UBXN7: variants seen among roughly 807,000 people sequenced by gnomAD.
UBXN7 encodes UBX domain protein 7.
A neutral mutation model predicts 58.0 loss-of-function variants in UBXN7; 9 were observed. That is an observed-to-expected ratio of 0.16 (90% CI 0.09 to 0.27). The LOEUF is 0.27. UBXN7 is among the 10% of genes least tolerant of loss of function. UBXN7 has a pLI of 1.00. For synonymous variants in UBXN7, 208 were observed against 205.0 expected (o/e 1.01, Z -0.12); for missense variants, 328 against 599.6 (o/e 0.55, Z 4.73).
chr3:196,419,287 A>AT (rs1175807790), intron 1 of UBXN7, among the ~76,000 whole-genome samples: 6 of 147,364 alleles, frequency 4.1e-5, no homozygotes, highest in Non-Finnish European at 8.9e-5. Flanking sequence ...CTGTCTCTAA[A>AT]TAAATTAAAT....
chr3:196,358,285 G>A (rs1261511307), intron 10 of UBXN7, among the ~76,000 whole-genome samples: 1 of 152,190 alleles, frequency 6.6e-6, no homozygotes, highest in African/African-American at 2.4e-5. Flanking sequence ...CCAGCTGCTG[G>A]AAAACCACTA....
intron 1 of UBXN7, among the ~76,000 whole-genome samples, chr3:196,410,093 C>A (rs1490086758): frequency 6.6e-6 from 1 of 151,950 alleles, no homozygotes; most frequent in East Asian, 1.9e-4. Flanking sequence ...GCGCCTGCCA[C>A]CACACCGGGC....
intron 1 of UBXN7, among the ~76,000 whole-genome samples, chr3:196,412,616 T>C (rs1054086487): frequency 6.6e-6 from 1 of 152,084 alleles, no homozygotes; most frequent in African/African-American, 2.4e-5. Context: ...AAAAATATAT[T>C]TATATGCCCA....
At chr3:196,395,737 C>A (rs1225295855) in intron 3 of UBXN7, among the ~76,000 whole-genome samples, 2 of 151,852 alleles carry the variant, frequency 1.3e-5, no homozygotes, top group African/African-American at 4.8e-5. Context: ...GGATTACAGG[C>A]ACCAGCCACC....
At chr3:196,376,545 CAAAA>C (rs777458391) in intron 5 of UBXN7, among the ~76,000 whole-genome samples, 10 of 50,914 alleles carry the variant, frequency 2.0e-4, no homozygotes, top group East Asian at 7.0e-4. Flanking sequence ...GACTCTGTCT[CAAAA>C]AAAAAAAAAA....
At position 196,400,695 on chromosome 3, in the gene UBXN7, G is replaced by T. The variant is rs1363922822; in HGVS notation, c.289+2257C>A. The T allele has an allele frequency of 2.3e-5, 8 of 351,234 alleles. No individual in the cohort carries two copies. The Admixed American group carries it at 2.5e-4, about 11-fold the overall frequency. 21.8% of individuals were successfully genotyped at this position (351,234 alleles called of 1,614,324 possible). ...TTTGAGACTGCAGTAAGCAAGGATT[G>T]TATCACTGCACTCCAGCCTGGGCAA... On this transcript the variant is annotated intron_variant, in intron 3 of 10. Transcript: ENST00000296328.
rs150023939 is a variant in UBXN7, at chr3:196,430,898, C to T, written c.73+1429G>A. 8.5e-5 allele frequency among the ~76,000 whole-genome samples: 13 copies of T among 152,196 alleles called. No individual in the cohort carries two copies. In the East Asian group the frequency reaches 2.3e-3, roughly 27 times the overall value. On this transcript the variant is annotated intron_variant, in intron 1 of 10. Transcript: ENST00000296328. Reference sequence around the variant, plus strand: ...ATAATAATCCAATCCTTTATATCTTCAATAATCCAATCACAAAGTTCAAAA... The same window carrying T: ...ATAATAATCCAATCCTTTATATCTTTAATAATCCAATCACAAAGTTCAAAA...
intron 7 of UBXN7, 151 bp downstream of exon 7, chr3:196,369,270 T>C (rs2108831683): frequency 3.1e-6 from 2 of 653,190 alleles, no homozygotes; most frequent in Non-Finnish European, 5.3e-6. Context: ...CATCAATAGA[T>C]GTTTAAATAA....
At chr3:196,424,764 G>A (rs1487560562) in intron 1 of UBXN7, among the ~76,000 whole-genome samples, 8 of 145,326 alleles carry the variant, frequency 5.5e-5, no homozygotes, top group South Asian at 2.2e-4. Flanking sequence ...GTGCAATGGC[G>A]TGATCTCAGC....
In UBXN7 at chr3:196,378,243, T is replaced by A. The variant is rs75323088; in HGVS notation, c.469-6201A>T. The stretch of plus-strand genomic sequence containing the variant: ...TAACCCATTCTCCCCTTGTCCCTCT[T>A]ACTTATAGAACCTCCAGTTTTTAAC... On this transcript the variant is annotated intron_variant, in intron 5 of 10. Coordinates refer to ENST00000296328, the MANE Select transcript of UBXN7 (RefSeq NM_015562.2). 8.7e-3 allele frequency among the ~76,000 whole-genome samples: 1,329 copies of A among 152,300 alleles called. 15 individuals carry two copies. The highest frequency in any genetic ancestry group is 0.03 in the African/African-American group (1,243 of 41,572).
intron 1 of UBXN7, among the ~76,000 whole-genome samples, chr3:196,408,135 C>A (rs1041595914): frequency 1.4e-5 from 2 of 146,824 alleles, no homozygotes; most frequent in Non-Finnish European, 3.0e-5. Context: ...TCTTTAATAC[C>A]AATGGCAAAG....
rs551182272 is a variant in UBXN7, at chr3:196,362,325, T to A, written c.1197A>T (p.Ala399=). Reference sequence around the variant, plus strand: ...CATCTATCCCCTCCACTACTCCATCTGCTTTTTCAGGTGGCATCTCCAGTA... The same window carrying A: ...CATCTATCCCCTCCACTACTCCATCAGCTTTTTCAGGTGGCATCTCCAGTA... ...SEILEMPPEK[A]DGVVEGIDVN... Residue 399 remains alanine (A), a synonymous_variant, in exon 9 of 11, where the codon GCA becomes GCT. Transcript: ENST00000296328. The A allele has an allele frequency of 6.2e-7, 1 of 1,611,446 alleles. No homozygotes were observed. The highest frequency in any genetic ancestry group is 8.5e-7 in the Non-Finnish European group (1 of 1,179,078).
intron 5 of UBXN7, among the ~76,000 whole-genome samples, chr3:196,386,380 TAAAAAAAAAAAAA>T (rs34268326): frequency 8.7e-5 from 5 of 57,728 alleles, no homozygotes; most frequent in African/African-American, 2.1e-4. Context: ...TAATAAACAC[TAAAAAAAAAAAAA>T]AAAAAAAAAA....
chr3:196,367,905 A>G, intron 8 of UBXN7, 123 bp downstream of exon 8: 2 of 1,340,118 alleles, frequency 1.5e-6, no homozygotes, highest in South Asian at 3.1e-5. Context: ...AAGATGCTAT[A>G]GCCACAGTGA....
At chr3:196,426,313 G>C (rs1730846899) in intron 1 of UBXN7, among the ~76,000 whole-genome samples, 1 of 150,164 alleles carries the variant, frequency 6.7e-6, no homozygotes, top group Non-Finnish European at 1.5e-5. Flanking sequence ...TTGAACCGGG[G>C]AGGCGGAGGT....
intron 1 of UBXN7, among the ~76,000 whole-genome samples, chr3:196,430,361 A>AAATAATAAT (rs34017536): frequency 2.0e-5 from 3 of 150,012 alleles, no homozygotes; most frequent in Non-Finnish European, 3.0e-5. Context: ...GACTGTCTCA[A>AAATAATAAT]AATAATAATA....
At chr3:196,402,177 T>C (rs1481286214) in intron 3 of UBXN7, among the ~76,000 whole-genome samples, 1 of 152,126 alleles carries the variant, frequency 6.6e-6, no homozygotes, top group Non-Finnish European at 1.5e-5. Context: ...TGTGCTGCCA[T>C]GCCTAGCTAA....
chr3:196,408,049 A>C (rs944034954), intron 1 of UBXN7, among the ~76,000 whole-genome samples: 5 of 147,036 alleles, frequency 3.4e-5, no homozygotes, highest in Non-Finnish European at 7.5e-5. Context: ...AATGAGCCGA[A>C]GTCACGCCAC....
chr3:196,412,193 T>C (rs1166915988), intron 1 of UBXN7, among the ~76,000 whole-genome samples: 1 of 130,574 alleles, frequency 7.7e-6, no homozygotes, highest in African/African-American at 3.0e-5. Flanking sequence ...ATCACACCAC[T>C]GCACTCCAGT....
Sources: gnomAD v4.1 joint callset for allele counts (sites outside exome capture counted in the v4.1 genomes callset) on GRCh38, gnomAD v4.1.1 for gene constraint, MANE v1.5 for transcripts, NCBI Gene and HGNC (gene_info 2026-07-23, HGNC 2026-07-21) for gene names.